Variants in ABI2 observed in about 807,000 individuals in gnomAD.
The protein encoded by ABI2 is abl interactor 2, also known as abelson interactor 2.
ABI2 carries 25 observed loss-of-function variants against 59.2 expected under a neutral mutation model. The observed-to-expected ratio is 0.42, with a 90% CI of 0.31 to 0.59. The LOEUF is 0.59. Among genes scored for constraint, ABI2 ranks in the 20% least tolerant of loss-of-function variants. The pLI is 0.14. For synonymous variants in ABI2, 213 were observed against 235.5 expected, an observed-to-expected ratio of 0.90 and a Z score of 0.87; for missense variants, 545 against 681.8, an observed-to-expected ratio of 0.80 and a Z score of 2.23.
chr2:203,391,701 G>A (rs185525418), intron 5 of ABI2, among the ~76,000 whole-genome samples: 1 of 151,794 alleles, frequency 6.6e-6, no homozygotes, highest in Non-Finnish European at 1.5e-5. Context: ...TGCACCTGTA[G>A]TCCCAGCTAC....
intron 4 of ABI2, among the ~76,000 whole-genome samples, chr2:203,389,585 A>G (rs1051936642): frequency 6.6e-6 from 1 of 152,222 alleles, no homozygotes; most frequent in South Asian, 2.1e-4. Context: ...TCTGATTTCA[A>G]TGGTATGATG....
intron 1 of ABI2, among the ~76,000 whole-genome samples, chr2:203,334,791 G>T (rs2075691553): frequency 6.6e-6 from 1 of 151,944 alleles, no homozygotes; most frequent in South Asian, 2.1e-4. Flanking sequence ...TTCCTGAGTA[G>T]CTGGGATTAC....
Position 203,429,423 on chromosome 2 carries a change from T to A in ABI2, c.*2071T>A, listed in dbSNP as rs916863015. The A allele has an allele frequency of 2.0e-5, 3 of 152,210 alleles. No individual in the cohort carries two copies. The highest frequency in any genetic ancestry group is 7.2e-5 in the African/African-American group (3 of 41,452). 9.4% of individuals were successfully genotyped at this position (152,210 alleles called of 1,614,324 possible). ...TTAAACAGCTTTTTGCTGAGAAAGCTTAGTGGATTAATGAGGCAGAGGGTG... is the reference window on the plus strand; with the variant it reads ...TTAAACAGCTTTTTGCTGAGAAAGCATAGTGGATTAATGAGGCAGAGGGTG... On this transcript the variant is annotated 3_prime_UTR_variant, in exon 12 of 12. Coordinates refer to ENST00000261018, the MANE Select transcript of ABI2 (RefSeq NM_001375670.1).
At chr2:203,418,005 G>C (rs1289280268) in intron 11 of ABI2, among the ~76,000 whole-genome samples, 2 of 152,064 alleles carry the variant, frequency 1.3e-5, no homozygotes, top group Non-Finnish European at 2.9e-5. Context: ...TTCTGGAGAC[G>C]AAAAACACAT....
intron 11 of ABI2, among the ~76,000 whole-genome samples, chr2:203,417,963 A>G (rs753269188): frequency 9.2e-5 from 14 of 151,768 alleles, no homozygotes; most frequent in Non-Finnish European, 2.1e-4. Context: ...TATCTTTAAA[A>G]AGAGAGAGAG....
At chr2:203,366,375 TTATC>T (rs2094448318) in intron 1 of ABI2, among the ~76,000 whole-genome samples, 1 of 152,140 alleles carries the variant, frequency 6.6e-6, no homozygotes, top group African/African-American at 2.4e-5. Context: ...ACCATTTTAT[TTATC>T]ATATTATTTA....
rs2097049958 is a variant in ABI2, at chr2:203,397,431, CAT to C, written c.1033+466_1033+467del. Among the ~76,000 whole-genome samples the C allele has an allele frequency of 2.0e-5, 3 of 152,154 alleles. No individual in the cohort carries two copies. The South Asian group carries it at 6.2e-4, about 32-fold the overall frequency. ...GCTTATTATAGCAGCATTGGAAACTCATAGACAATGGACTTTTAAAGAATTTC... is the reference window on the plus strand; with the variant it reads ...GCTTATTATAGCAGCATTGGAAACTCAGACAATGGACTTTTAAAGAATTTC... On this transcript the variant is annotated intron_variant, in intron 8 of 11. Transcript: ENST00000261018.
intron 11 of ABI2, among the ~76,000 whole-genome samples, chr2:203,418,066 C>A (rs2097985883): frequency 6.6e-6 from 1 of 151,780 alleles, no homozygotes; most frequent in South Asian, 2.1e-4. Context: ...TAGAAACTAT[C>A]CAAAATAAGG....
chr2:203,370,167 G>A (rs1395033712), intron 2 of ABI2, among the ~76,000 whole-genome samples: 7 of 147,988 alleles, frequency 4.7e-5, no homozygotes, highest in East Asian at 2.0e-4. Flanking sequence ...TGTGGGCTAC[G>A]TATGGTGTCA....
rs116063943 is a variant in ABI2 at position 203,375,693 on chromosome 2, A to G, written c.286-4515A>G. 3.3e-3 allele frequency among the ~76,000 whole-genome samples: 510 copies of G among 152,358 alleles called. 1 individual carries two copies. Among genetic ancestry groups the G allele is most frequent in the African/African-American group, 0.012 (482 of 41,594 alleles). The stretch of plus-strand genomic sequence containing the variant: ...ACGAATTTATGAATGTTAAAGCTGC[A>G]TGATAGATGTGAGGAGGGAGTGTTT... On this transcript the variant is annotated intron_variant, in intron 2 of 11. Coordinates refer to ENST00000261018, the MANE Select transcript of ABI2 (RefSeq NM_001375670.1).
At chr2:203,419,535 AT>A (rs1409251079) in intron 11 of ABI2, among the ~76,000 whole-genome samples, 1 of 149,858 alleles carries the variant, frequency 6.7e-6, no homozygotes, top group Non-Finnish European at 1.5e-5. Context: ...TGCCTGGGTA[AT>A]TTTTTGTATT....
intron 4 of ABI2, chr2:203,386,547 G>C: frequency 1.6e-6 from 1 of 637,858 alleles, no homozygotes; most frequent in Non-Finnish European, 1.9e-6. Flanking sequence ...AAGTTTCATA[G>C]AGAAAAACCA....
intron 4 of ABI2, among the ~76,000 whole-genome samples, chr2:203,384,284 GTTTTTGTTTTTTTTTTTTTTT>G (rs2096324764): frequency 2.1e-5 from 1 of 48,516 alleles, no homozygotes; most frequent in Non-Finnish European, 3.9e-5. Context: ...TCTTGTTTTT[GTTTTTGTTTTTTTTTTTTTTT>G]TTTTTTTTTT....
intron 11 of ABI2, among the ~76,000 whole-genome samples, chr2:203,422,877 C>T (rs939409029): frequency 7.2e-5 from 11 of 152,140 alleles, no homozygotes; most frequent in South Asian, 2.1e-4. Flanking sequence ...TTTGCTCTAC[C>T]TCAGGACAGG....
intron 10 of ABI2, among the ~76,000 whole-genome samples, chr2:203,412,645 A>G (rs1051424505): frequency 1.3e-5 from 2 of 152,124 alleles, no homozygotes; most frequent in African/African-American, 2.4e-5. Flanking sequence ...AAATTATGCT[A>G]TTGGGGCCGA....
intron 5 of ABI2, among the ~76,000 whole-genome samples, chr2:203,393,270 G>T (rs933915210): frequency 1.3e-5 from 2 of 152,148 alleles, no homozygotes; most frequent in African/African-American, 4.8e-5. Flanking sequence ...GGCCAGGCTG[G>T]TCTCAAACTC....
intron 2 of ABI2, chr2:203,376,274 C>T (rs2095671237): frequency 1.7e-6 from 1 of 584,600 alleles, no homozygotes; most frequent in Non-Finnish European, 2.9e-6. Context: ...AGTTATCTAC[C>T]TGGATGCTTT....
At chr2:203,414,506 C>G (rs2097810840) in intron 10 of ABI2, among the ~76,000 whole-genome samples, 1 of 152,190 alleles carries the variant, frequency 6.6e-6, no homozygotes, top group Admixed American at 6.5e-5. Context: ...TTTCAGGAAG[C>G]CTTTCCTGAC....
At chr2:203,338,963 A>AAAATAT (rs2078063279) in intron 1 of ABI2, among the ~76,000 whole-genome samples, 5 of 10,002 alleles carry the variant, frequency 5.0e-4, no homozygotes, top group African/African-American at 1.8e-3. Flanking sequence ...TATATATATA[A>AAAATAT]ATATATATAT....
Sources: allele counts gnomAD v4.1 joint callset (sites outside exome capture counted in the v4.1 genomes callset), GRCh38; gene constraint gnomAD v4.1.1; transcripts MANE v1.5; gene names NCBI Gene and HGNC (gene_info 2026-07-23, HGNC 2026-07-21).